SLC26A7: variants seen among roughly 807,000 people sequenced by gnomAD.
SLC26A7 encodes the protein solute carrier family 26 member 7, also known as anion exchange transporter.
SLC26A7 carries 59 observed loss-of-function variants against 82.5 expected under a neutral mutation model. That is an observed-to-expected ratio of 0.72 (90% CI 0.58 to 0.89). The LOEUF is 0.89. Among genes scored for constraint, SLC26A7 ranks in the 40% least tolerant of loss-of-function variants. SLC26A7 has a pLI of 0.00. For missense variants in SLC26A7, 820 were observed against 793.0 expected, an observed-to-expected ratio of 1.03 and a Z score of -0.41; for synonymous variants, 271 against 274.3, an observed-to-expected ratio of 0.99 and a Z score of 0.12.
chr8:91,253,537 A>T (rs188781132), intron 2 of SLC26A7, among the ~76,000 whole-genome samples: 8 of 152,218 alleles, frequency 5.3e-5, no homozygotes, highest in Admixed American at 5.2e-4. Flanking sequence ...GAATGCATTG[A>T]TCCTGTTCAG....
chr8:91,220,064 A>T (rs1196418657), intron 2 of SLC26A7, among the ~76,000 whole-genome samples: 1 of 152,164 alleles, frequency 6.6e-6, no homozygotes, highest in Non-Finnish European at 1.5e-5. Context: ...TTTATGCATC[A>T]GAGTTGCCTC....
chr8:91,344,522 A>C lies in SLC26A7; in HGVS notation c.1140+1056A>C, dbSNP rs149887084. Among the ~76,000 whole-genome samples, 384 of 152,330 alleles carry C rather than the reference A, an allele frequency of 2.5e-3. 1 individual carries two copies. Among genetic ancestry groups the C allele is most frequent in the African/African-American group, 8.8e-3 (364 of 41,578 alleles). On this transcript the variant is annotated intron_variant, in intron 9 of 18. Coordinates refer to ENST00000276609, the MANE Select transcript of SLC26A7 (RefSeq NM_052832.4). ...ACTATTTTAGGTTGTAGAATAATTA[A>C]GTTTGAAAAGTATGTGTTTGTTGAC...
chr8:91,333,954 T>C (rs1461033109), intron 5 of SLC26A7, among the ~76,000 whole-genome samples: 1 of 152,176 alleles, frequency 6.6e-6, no homozygotes, highest in Non-Finnish European at 1.5e-5. Context: ...CATGGTCCCC[T>C]GACCGCTGTT....
intron 10 of SLC26A7, 27 bp downstream of exon 10, chr8:91,351,914 C>T: frequency 6.7e-7 from 1 of 1,498,674 alleles, no homozygotes; most frequent in Non-Finnish European, 9.3e-7. Flanking sequence ...TCACTATCTA[C>T]TTTTTAATTT....
intron 4 of SLC26A7, among the ~76,000 whole-genome samples, chr8:91,305,458 T>G (rs1264920075): frequency 1.3e-5 from 2 of 152,174 alleles, no homozygotes; most frequent in Non-Finnish European, 2.9e-5. Context: ...ACACAACTAC[T>G]CTACAACTCC....
intron 2 of SLC26A7, among the ~76,000 whole-genome samples, chr8:91,261,427 G>A (rs1052920401): frequency 4.6e-5 from 7 of 152,064 alleles, no homozygotes; most frequent in African/African-American, 1.7e-4. Context: ...ATGAAAGTTT[G>A]TGGAGTATTG....
chr8:91,275,753 G>C (rs1811390308), intron 2 of SLC26A7, among the ~76,000 whole-genome samples: 1 of 152,096 alleles, frequency 6.6e-6, no homozygotes, highest in Non-Finnish European at 1.5e-5. Context: ...TATGATATCG[G>C]GTGTCCAAGC....
At chr8:91,220,573 C>T (rs542513384) in intron 2 of SLC26A7, among the ~76,000 whole-genome samples, 1 of 152,072 alleles carries the variant, frequency 6.6e-6, no homozygotes, top group Non-Finnish European at 1.5e-5. Context: ...CAACGTTCAA[C>T]TCCCACTTAT....
At chr8:91,356,305 C>T (rs966187087) in intron 11 of SLC26A7, among the ~76,000 whole-genome samples, 1 of 152,220 alleles carries the variant, frequency 6.6e-6, no homozygotes, top group African/African-American at 2.4e-5. Context: ...AATCTCCACA[C>T]TGACTTCCAC....
intron 6 of SLC26A7, 130 bp from the exon 7 acceptor site, chr8:91,338,020 T>G: frequency 2.0e-6 from 1 of 491,016 alleles, no homozygotes; most frequent in Non-Finnish European, 3.4e-6. Context: ...TTTGAAAGTC[T>G]GTGCAACTGC....
intron 2 of SLC26A7, among the ~76,000 whole-genome samples, chr8:91,226,130 G>A (rs1193115226): frequency 6.6e-6 from 1 of 152,016 alleles, no homozygotes; most frequent in Non-Finnish European, 1.5e-5. Flanking sequence ...ACTCTCACCA[G>A]TTTCATTTAG....
intron 4 of SLC26A7, among the ~76,000 whole-genome samples, chr8:91,314,557 A>G (rs1812577735): frequency 6.6e-6 from 1 of 152,008 alleles, no homozygotes; most frequent in East Asian, 1.9e-4. Context: ...CCCTCTTAAC[A>G]TGTCTGCCAT....
intron 2 of SLC26A7, among the ~76,000 whole-genome samples, chr8:91,239,395 A>ATATATATAT (rs1233159768): frequency 3.2e-5 from 3 of 94,860 alleles, no homozygotes; most frequent in African/African-American, 1.1e-4. Context: ...AAAAAAAAAA[A>ATATATATAT]ATATATATAT....
chr8:91,360,107 T>C (rs1450675863), intron 11 of SLC26A7, among the ~76,000 whole-genome samples: 1 of 152,144 alleles, frequency 6.6e-6, no homozygotes. Context: ...AGAACTAAGT[T>C]TGAACAGCTG....
chr8:91,239,395 A>AATAT (rs1554600120), intron 2 of SLC26A7, among the ~76,000 whole-genome samples: 83 of 94,844 alleles, frequency 8.8e-4, no homozygotes, highest in Middle Eastern at 5.1e-3. Flanking sequence ...AAAAAAAAAA[A>AATAT]ATATATATAT....
At chr8:91,226,950 G>C (rs1810247374) in intron 2 of SLC26A7, among the ~76,000 whole-genome samples, 1 of 152,230 alleles carries the variant, frequency 6.6e-6, no homozygotes, top group Non-Finnish European at 1.5e-5. Context: ...GTTACTGGTT[G>C]CATGGTCATA....
intron 15 of SLC26A7, among the ~76,000 whole-genome samples, chr8:91,386,233 T>C (rs1363047503): frequency 1.3e-5 from 2 of 152,200 alleles, no homozygotes; most frequent in Non-Finnish European, 1.5e-5. Flanking sequence ...TTCTTTCAGA[T>C]TACAGTTTCT....
Position 91,340,410 on chromosome 8 carries a change from C to A in SLC26A7, c.885C>A (p.Pro295=). Residue 295 remains proline, a synonymous_variant, in exon 8 of 19, where the codon CCC becomes CCA. Transcript: ENST00000276609. ...ATGGTCCTTCTTTCCACAGAATTCC[C>A]TCACCTAGAGCTCCCCCGATGAACA... ...EVVGHIPQGI[P]SPRAPPMNIL... 1 of 1,613,526 alleles carries A rather than the reference C, an allele frequency of 6.2e-7. No individual in the cohort carries two copies. Among genetic ancestry groups the A allele is most frequent in the Non-Finnish European group, 8.5e-7 (1 of 1,179,650 alleles).
chr8:91,274,003 G>A (rs7002943), intron 2 of SLC26A7, among the ~76,000 whole-genome samples: 29,750 of 151,856 alleles, frequency 0.2, 3,651 homozygotes, highest in African/African-American at 0.34. Context: ...GGAAGATCTC[G>A]GTTTTTAACT....
Sources: allele counts gnomAD v4.1 joint callset (sites outside exome capture counted in the v4.1 genomes callset), GRCh38; gene constraint gnomAD v4.1.1; transcripts MANE v1.5; gene names NCBI Gene and HGNC (gene_info 2026-07-23, HGNC 2026-07-21).